Variants in GNG12 observed in about 807,000 individuals in gnomAD.
The protein encoded by GNG12 is G protein subunit gamma 12.
For missense variants in GNG12, 69 were observed against 83.8 expected (o/e 0.82, Z 0.69); for synonymous variants, 28 against 29.7 (o/e 0.94, Z 0.19).
chr1:67,786,965 GTGTGTGTGTGTGTGTGTGTGTA>G (rs1420344486), intron 1 of GNG12, among the ~76,000 whole-genome samples: 1 of 149,128 alleles, frequency 6.7e-6, no homozygotes, highest in South Asian at 2.1e-4. Flanking sequence ...GTGTGTGTGT[GTGTGTGTGTGTGTGTGTGTGTA>G]TGTATATATA....
intron 1 of GNG12, among the ~76,000 whole-genome samples, chr1:67,810,664 C>G (rs188091645): frequency 7.2e-5 from 11 of 152,192 alleles, no homozygotes; most frequent in Admixed American, 7.2e-4. Context: ...CAAACCAATA[C>G]AATAAATTCT....
rs1646847903 is a variant in GNG12, at chr1:67,798,952, C to CA, written c.-76-21446dup. ...CTGGCGGCAGAGCAAGGCTGTCTCA[C>CA]AAAAAAAATATAAATAAATAAATAA... On this transcript the variant is annotated intron_variant, in intron 1 of 3. Coordinates refer to ENST00000370982, the MANE Select transcript of GNG12 (RefSeq NM_018841.6). 4.1e-5 allele frequency among the ~76,000 whole-genome samples: 6 copies of CA among 147,106 alleles called. No individual in the cohort carries two copies. In the East Asian group the frequency reaches 6.0e-4, roughly 15 times the overall value.
intron 1 of GNG12, among the ~76,000 whole-genome samples, chr1:67,830,448 T>C (rs1647036907): frequency 6.6e-6 from 1 of 152,222 alleles, no homozygotes; most frequent in African/African-American, 2.4e-5. Flanking sequence ...ACACTTCTTA[T>C]GGCTTATCTG....
chr1:67,749,299 C>T (rs943912420), intron 2 of GNG12, among the ~76,000 whole-genome samples: 5 of 152,080 alleles, frequency 3.3e-5, no homozygotes, highest in Non-Finnish European at 7.4e-5. Flanking sequence ...CAAAATGGAA[C>T]TTTACATTAG....
chr1:67,748,512 G>A (rs1050529909), intron 2 of GNG12, among the ~76,000 whole-genome samples: 10 of 152,194 alleles, frequency 6.6e-5, no homozygotes, highest in South Asian at 2.1e-4. Flanking sequence ...AACAGAAATC[G>A]TGCTTGGGGG....
chr1:67,810,866 G>A (rs1489281213), intron 1 of GNG12, among the ~76,000 whole-genome samples: 2 of 152,154 alleles, frequency 1.3e-5, no homozygotes, highest in African/African-American at 4.8e-5. Context: ...TGTACATGGG[G>A]ACGGAAATAC....
At chr1:67,818,422 T>TG (rs1382164229) in intron 1 of GNG12, among the ~76,000 whole-genome samples, 1 of 146,260 alleles carries the variant, frequency 6.8e-6, no homozygotes, top group Admixed American at 6.8e-5. Flanking sequence ...GGTTTTTTTT[T>TG]TTTTTTTTTT....
chr1:67,805,454 A>T (rs1217748930), intron 1 of GNG12, among the ~76,000 whole-genome samples: 1 of 152,252 alleles, frequency 6.6e-6, no homozygotes, highest in Non-Finnish European at 1.5e-5. Context: ...GCAACATGCA[A>T]GAACAGATGA....
chr1:67,770,694 T>C (rs1646668944), intron 2 of GNG12, among the ~76,000 whole-genome samples: 1 of 152,040 alleles, frequency 6.6e-6, no homozygotes, highest in South Asian at 2.1e-4. Flanking sequence ...GAGAAGGCCA[T>C]GGAGGCAGCC....
At chr1:67,825,253 G>A (rs565024185) in intron 1 of GNG12, among the ~76,000 whole-genome samples, 97 of 152,318 alleles carry the variant, frequency 6.4e-4, no homozygotes, top group African/African-American at 2.1e-3. Flanking sequence ...ATCTGAGTAT[G>A]TCTGAAGATA....
rs141584864 is a variant in GNG12, at chr1:67,743,244, T to C, written c.-27+34214A>G. ...AAATGCTATCTAGTGTTTTAGGAATTTGAATCTTGAAATCTCAGTGTCAAG... is the reference window on the plus strand; with the variant it reads ...AAATGCTATCTAGTGTTTTAGGAATCTGAATCTTGAAATCTCAGTGTCAAG... On this transcript the variant is annotated intron_variant, in intron 2 of 3. Coordinates refer to ENST00000370982, the MANE Select transcript of GNG12 (RefSeq NM_018841.6). 4.8e-4 allele frequency among the ~76,000 whole-genome samples: 73 copies of C among 152,274 alleles called. 1 individual carries two copies. The highest frequency in any genetic ancestry group is 1.5e-3 in the African/African-American group (62 of 41,546).
chr1:67,760,874 T>C (rs1368599572), intron 2 of GNG12, among the ~76,000 whole-genome samples: 1 of 152,216 alleles, frequency 6.6e-6, no homozygotes, highest in Non-Finnish European at 1.5e-5. Flanking sequence ...CTAATATGTA[T>C]TAAGGACTCT....
intron 1 of GNG12, among the ~76,000 whole-genome samples, chr1:67,783,930 T>C (rs1474667167): frequency 6.7e-6 from 1 of 149,522 alleles, no homozygotes; most frequent in Non-Finnish European, 1.5e-5. Flanking sequence ...GATCTAGAAC[T>C]AGAAATACCA....
rs571440921 is a variant in GNG12 at position 67,713,047 on chromosome 1, CAG to C, written c.-26-5337_-26-5336del. Among the ~76,000 whole-genome samples, 14 of 152,262 alleles carry C rather than the reference CAG, an allele frequency of 9.2e-5. No homozygotes were observed. The South Asian group carries it at 2.7e-3, about 29-fold the overall frequency. On this transcript the variant is annotated intron_variant, in intron 2 of 3. Coordinates refer to ENST00000370982, the MANE Select transcript of GNG12 (RefSeq NM_018841.6). ...CCTGGCCCACTATGTGGTTCTTAATCAGGGGTGACTGACACGCGGTGACCTAA... is the reference window on the plus strand; with the variant it reads ...CCTGGCCCACTATGTGGTTCTTAATCGGGTGACTGACACGCGGTGACCTAA...
intron 2 of GNG12, among the ~76,000 whole-genome samples, chr1:67,744,959 C>T (rs1043055278): frequency 1.3e-5 from 2 of 152,182 alleles, no homozygotes; most frequent in African/African-American, 2.4e-5. Context: ...CACCTACTTG[C>T]TATATGACTG....
chr1:67,811,745 T>C (rs566223458), intron 1 of GNG12, among the ~76,000 whole-genome samples: 1 of 152,320 alleles, frequency 6.6e-6, no homozygotes, highest in African/African-American at 2.4e-5. Flanking sequence ...ACACATTTTA[T>C]GTTTCAATCA....
At chr1:67,788,403 TCA>T (rs1045145275) in intron 1 of GNG12, among the ~76,000 whole-genome samples, 5 of 152,116 alleles carry the variant, frequency 3.3e-5, no homozygotes, top group African/African-American at 1.2e-4. Context: ...TGCGATCAGG[TCA>T]CAGTTCCCTG....
intron 2 of GNG12, among the ~76,000 whole-genome samples, chr1:67,747,272 AC>A (rs1646512956): frequency 6.6e-6 from 1 of 152,298 alleles, no homozygotes; most frequent in East Asian, 1.9e-4. Flanking sequence ...GGTGTGTGCC[AC>A]CATGCCCAGC....
chr1:67,831,592 A>G (rs1374444341), intron 1 of GNG12, among the ~76,000 whole-genome samples: 3 of 152,204 alleles, frequency 2.0e-5, no homozygotes, highest in Non-Finnish European at 2.9e-5. Context: ...TAGACTTTTC[A>G]GCATTTTTTG....
Sources: allele counts gnomAD v4.1 joint callset (sites outside exome capture counted in the v4.1 genomes callset), GRCh38; gene constraint gnomAD v4.1.1; transcripts MANE v1.5; gene names NCBI Gene and HGNC (gene_info 2026-07-23, HGNC 2026-07-21).